Variants in CDH1 observed in about 807,000 individuals in gnomAD.
CDH1 encodes the protein cadherin-1.
In CDH1, 35 loss-of-function variants were observed where a neutral mutation model predicts 84.5. The ratio of observed to expected loss-of-function variants is 0.41; its 90% confidence interval spans 0.32 to 0.55. The LOEUF is 0.55. Among genes scored for constraint, CDH1 ranks in the 20% least tolerant of loss-of-function variants. The pLI is 0.19. For synonymous variants in CDH1, 417 were observed against 439.0 expected (o/e 0.95, Z 0.63); for missense variants, 994 against 1,126.6 (o/e 0.88, Z 1.68).
intron 2 of CDH1, among the ~76,000 whole-genome samples, chr16:68,789,695 C>T (rs900694386): frequency 6.6e-6 from 1 of 152,214 alleles, no homozygotes; most frequent in Non-Finnish European, 1.5e-5. Context: ...TCCTTAGTTG[C>T]TACTGCCCCA....
In CDH1 at chr16:68,811,853, C is replaced by G. The variant is rs761981219; in HGVS notation, c.1002C>G (p.Asp334Glu). 7 of 1,613,976 alleles carry G rather than the reference C, an allele frequency of 4.3e-6. No individual in the cohort carries two copies. The highest frequency in any genetic ancestry group is 5.9e-6 in the Non-Finnish European group (7 of 1,180,016). The change falls in exon 7 of 16, where the codon GAC (aspartate) becomes GAG (glutamate). Residue 334 changes from aspartate (D) to glutamate (E), a missense_variant. Around this residue, in one of 3 missense-constraint regions of CDH1, gnomAD observed 769 missense variants for 881.8 expected, o/e 0.87. Transcript: ENST00000261769. ...TCAGTGTGGTCACCACTGGGCTGGA[C>G]CGAGAGGTCAGGGGTCAGGAGGATC... ...GVISVVTTGLDRESFPTYTLV... is the reference protein window; with the variant it reads ...GVISVVTTGLERESFPTYTLV...
At chr16:68,822,260 C>G (rs1025277853) in intron 12 of CDH1, 35 bp downstream of exon 12, 1 of 1,425,216 alleles carries the variant, frequency 7.0e-7, no homozygotes, top group Non-Finnish European at 9.9e-7. Flanking sequence ...CAACTTTGCT[C>G]CAACTGCCAT....
At chr16:68,787,364 A>T (rs973329929) in intron 2 of CDH1, among the ~76,000 whole-genome samples, 1 of 152,200 alleles carries the variant, frequency 6.6e-6, no homozygotes, top group Admixed American at 6.5e-5. Context: ...TCAGTTGCTC[A>T]TCAGCATTAA....
At chr16:68,763,094 G>A (rs1355389336) in intron 2 of CDH1, among the ~76,000 whole-genome samples, 1 of 152,084 alleles carries the variant, frequency 6.6e-6, no homozygotes, top group Non-Finnish European at 1.5e-5. Flanking sequence ...AATTTAAAGC[G>A]TTCAATTCCC....
intron 9 of CDH1, 26 bp from the exon 10 acceptor site, chr16:68,815,489 T>C (rs1960956153): frequency 6.2e-7 from 1 of 1,613,986 alleles, no homozygotes; most frequent in African/African-American, 1.3e-5. Flanking sequence ...CGTTTTGTTT[T>C]TAACTTCATT....
intron 2 of CDH1, among the ~76,000 whole-genome samples, chr16:68,766,713 TGGGA>T (rs1437385773): frequency 2.7e-5 from 4 of 146,158 alleles, no homozygotes; most frequent in African/African-American, 1.0e-4. Context: ...AGTTACTTTG[TGGGA>T]GTAGTAAGGT....
chr16:68,769,514 G>T (rs1567486707), intron 2 of CDH1, among the ~76,000 whole-genome samples: 2 of 149,870 alleles, frequency 1.3e-5, no homozygotes, highest in African/African-American at 4.9e-5. Context: ...TCACTATGTT[G>T]CCCAGGCTGG....
intron 2 of CDH1, among the ~76,000 whole-genome samples, chr16:68,755,452 C>A (rs1597852520): frequency 6.6e-6 from 1 of 151,774 alleles, no homozygotes; most frequent in South Asian, 2.1e-4. Flanking sequence ...TGTTACGTTG[C>A]CCAGGCTAGT....
intron 14 of CDH1, among the ~76,000 whole-genome samples, chr16:68,829,045 C>A (rs1411266323): frequency 1.3e-5 from 2 of 152,168 alleles, no homozygotes; most frequent in Non-Finnish European, 2.9e-5. Context: ...ATCGTGGAAT[C>A]TCAGCGGCAC....
intron 2 of CDH1, among the ~76,000 whole-genome samples, chr16:68,760,090 T>TTTTTTTTTTTTAA (rs1963127374): frequency 9.2e-6 from 1 of 108,764 alleles, no homozygotes; most frequent in Non-Finnish European, 2.2e-5. Flanking sequence ...ATATATATTT[T>TTTTTTTTTTTTAA]TTTTTTTTTT....
chr16:68,769,804 C>A (rs868388039), intron 2 of CDH1, among the ~76,000 whole-genome samples: 1 of 151,914 alleles, frequency 6.6e-6, no homozygotes, highest in Middle Eastern at 3.4e-3. Context: ...CGCGGTGGCT[C>A]ACGCTGGGGA....
chr16:68,794,075 C>A (rs1296632612), intron 2 of CDH1, among the ~76,000 whole-genome samples: 1 of 152,004 alleles, frequency 6.6e-6, no homozygotes, highest in Non-Finnish European at 1.5e-5. Flanking sequence ...ACTCTGTTGC[C>A]CAGGCTGACT....
chr16:68,821,930 G>A, intron 11 of CDH1, 71 bp from the exon 12 acceptor site: 2 of 1,197,862 alleles, frequency 1.7e-6, no homozygotes, highest in Non-Finnish European at 1.2e-6. Flanking sequence ...ATCTAGACTT[G>A]GTCTGGTGGA....
At chr16:68,739,437 A>T (rs1167732560) in intron 2 of CDH1, among the ~76,000 whole-genome samples, 1 of 150,520 alleles carries the variant, frequency 6.6e-6, no homozygotes, top group African/African-American at 2.4e-5. Flanking sequence ...TAAAAAATAA[A>T]TTTTTTTTTA....
intron 2 of CDH1, among the ~76,000 whole-genome samples, chr16:68,766,452 C>G (rs770121908): frequency 2.0e-5 from 3 of 152,198 alleles, no homozygotes; most frequent in Non-Finnish European, 4.4e-5. Context: ...AGCAGGATTT[C>G]TTTCAAGGGC....
intron 2 of CDH1, among the ~76,000 whole-genome samples, chr16:68,758,184 C>T (rs1963067607): frequency 7.0e-6 from 1 of 142,410 alleles, no homozygotes; most frequent in Non-Finnish European, 1.5e-5. Flanking sequence ...CCCATTTTGC[C>T]TAGGGTAGGC....
At chr16:68,806,436 C>T (rs1014889420) in intron 3 of CDH1, among the ~76,000 whole-genome samples, 6 of 152,262 alleles carry the variant, frequency 3.9e-5, no homozygotes, top group East Asian at 1.9e-4. Context: ...AGGTGTGAGC[C>T]ACCACGCCTG....
At chr16:68,829,906 CA>C (rs1961437975) in intron 15 of CDH1, 109 bp downstream of exon 15, 1 of 1,164,578 alleles carries the variant, frequency 8.6e-7, no homozygotes. Flanking sequence ...ACTATGTTTT[CA>C]GCTTGCCTGA....
chr16:68,819,734 C>T (rs1276470597), intron 11 of CDH1, among the ~76,000 whole-genome samples: 1 of 152,144 alleles, frequency 6.6e-6, no homozygotes, highest in Non-Finnish European at 1.5e-5. Context: ...TATCATTCCA[C>T]AATCTACATC....
Sources: allele counts gnomAD v4.1 joint callset (sites outside exome capture counted in the v4.1 genomes callset), GRCh38; gene constraint gnomAD v4.1.1; regional missense constraint gnomAD v4.1.1; transcripts MANE v1.5; gene names NCBI Gene and HGNC (gene_info 2026-07-23, HGNC 2026-07-21).